The following RGS6 variants were observed in gnomAD, a reference collection of about 807,000 sequenced individuals.
RGS6 encodes the protein regulator of G protein signaling 6.
A neutral mutation model predicts 78.5 loss-of-function variants in RGS6; 30 were observed. That is an observed-to-expected ratio of 0.38 (90% confidence interval 0.29 to 0.52). The LOEUF is 0.52. Among genes scored for constraint, RGS6 ranks in the 20% least tolerant of loss-of-function variants. The pLI, the probability that RGS6 is intolerant of heterozygous loss-of-function variation, is 0.85. For synonymous variants in RGS6, 206 were observed against 206.0 expected (o/e 1.00, Z 0.00); for missense variants, 495 against 609.7 (o/e 0.81, Z 1.98).
At chr14:72,126,464 T>C (rs2153580499) in intron 2 of RGS6, among the ~76,000 whole-genome samples, 1 of 152,366 alleles carries the variant, frequency 6.6e-6, no homozygotes, top group South Asian at 2.1e-4. Context: ...CCAGCATAGA[T>C]GTCTTACACT....
chr14:72,410,016 A>G (rs61012508), intron 3 of RGS6, among the ~76,000 whole-genome samples: 25,171 of 152,140 alleles, frequency 0.17, 2,647 homozygotes, highest in African/African-American at 0.29. Context: ...TAGTGCCGCA[A>G]TAAACATACA....
At chr14:72,351,944 C>G (rs548359743) in intron 2 of RGS6, 151 bp from the exon 3 acceptor site, 2 of 606,924 alleles carry the variant, frequency 3.3e-6, no homozygotes, top group Admixed American at 3.0e-5. Context: ...ATAGCAGATA[C>G]TGATGCTGTA....
chr14:72,611,162 CAG>C, the RGS6 span, among the ~76,000 whole-genome samples: 1 of 152,212 alleles, frequency 6.6e-6, no homozygotes, highest in East Asian at 1.9e-4. Context: ...CACACATGGA[CAG>C]ATACACACCT....
chr14:72,323,087 C>T (rs1437165778), intron 2 of RGS6, among the ~76,000 whole-genome samples: 1 of 151,858 alleles, frequency 6.6e-6, no homozygotes, highest in Non-Finnish European at 1.5e-5. Context: ...TAATTTTAAC[C>T]AGGAGTTAAA....
intron 5 of RGS6, 101 bp from the exon 6 acceptor site, chr14:72,459,531 G>C: frequency 9.4e-7 from 1 of 1,064,570 alleles, no homozygotes; most frequent in Non-Finnish European, 1.4e-6. Flanking sequence ...GCAAGAAGGA[G>C]ATGGGGGAGA....
intron 2 of RGS6, among the ~76,000 whole-genome samples, chr14:72,195,783 G>T (rs1284651938): frequency 6.6e-6 from 1 of 152,208 alleles, no homozygotes; most frequent in African/African-American, 2.4e-5. Flanking sequence ...GCCTCTCCCT[G>T]TGTGCCCACG....
chr14:72,079,181 C>T (rs1019821931), intron 2 of RGS6, among the ~76,000 whole-genome samples: 11 of 150,582 alleles, frequency 7.3e-5, no homozygotes, highest in East Asian at 5.8e-4. Flanking sequence ...TTTTTTTTTT[C>T]CCCCTATTTC....
At chr14:72,540,953 C>G in intron 17 of RGS6, 1 of 1,233,860 alleles carries the variant, frequency 8.1e-7, no homozygotes, top group South Asian at 1.4e-5. Flanking sequence ...CTGAGACTCT[C>G]TACCATGGTT....
At chr14:72,627,615 T>C in the RGS6 span, among the ~76,000 whole-genome samples, 1 of 152,252 alleles carries the variant, frequency 6.6e-6, no homozygotes, top group East Asian at 1.9e-4. Context: ...TTTATCAGTA[T>C]TTTCTTGCCT....
chr14:72,047,312 C>T (rs1434598973), intron 2 of RGS6, among the ~76,000 whole-genome samples: 1 of 152,188 alleles, frequency 6.6e-6, no homozygotes, highest in Non-Finnish European at 1.5e-5. Flanking sequence ...TTAGTGAGTA[C>T]TTACTGTCTG....
intron 1 of RGS6, among the ~76,000 whole-genome samples, chr14:71,963,043 C>G (rs903458358): frequency 3.9e-5 from 6 of 152,172 alleles, no homozygotes; most frequent in African/African-American, 1.4e-4. Context: ...TTATACTCTG[C>G]TCTCATACTC....
At chr14:71,957,913 C>T (rs866332085) in intron 1 of RGS6, among the ~76,000 whole-genome samples, 70 of 152,070 alleles carry the variant, frequency 4.6e-4, no homozygotes, top group Admixed American at 1.6e-3. Context: ...CTACAGGCAA[C>T]GCACCACCAT....
chr14:72,323,936 G>T (rs1421019843), intron 2 of RGS6, among the ~76,000 whole-genome samples: 2 of 149,202 alleles, frequency 1.3e-5, no homozygotes, highest in Admixed American at 6.7e-5. Flanking sequence ...TATATTTATG[G>T]GGTACTTGAG....
intron 2 of RGS6, among the ~76,000 whole-genome samples, chr14:72,075,289 T>A (rs1333027656): frequency 6.6e-6 from 1 of 152,234 alleles, no homozygotes; most frequent in Non-Finnish European, 1.5e-5. Flanking sequence ...TTACTTTGTT[T>A]CCATTGTGAA....
chr14:72,071,392 G>T (rs1197713848), intron 2 of RGS6, among the ~76,000 whole-genome samples: 2 of 152,120 alleles, frequency 1.3e-5, no homozygotes, highest in African/African-American at 2.4e-5. Context: ...GCATTGTCCA[G>T]GATTTTCTCT....
chr14:72,378,921 G>A (rs1259039039), intron 3 of RGS6, among the ~76,000 whole-genome samples: 1 of 151,880 alleles, frequency 6.6e-6, no homozygotes, highest in Non-Finnish European at 1.5e-5. Flanking sequence ...AATGAACATA[G>A]ACACAAAAAT....
At chr14:72,217,901 A>G (rs946695394) in intron 2 of RGS6, among the ~76,000 whole-genome samples, 3 of 152,218 alleles carry the variant, frequency 2.0e-5, no homozygotes, top group Non-Finnish European at 4.4e-5. Flanking sequence ...ATTCACACAC[A>G]TTTACACATA....
chr14:72,227,060 A>G (rs1171390818), intron 2 of RGS6, among the ~76,000 whole-genome samples: 1 of 152,200 alleles, frequency 6.6e-6, no homozygotes, highest in Admixed American at 6.5e-5. Context: ...TCTCCACTAG[A>G]TATACGACAT....
intron 2 of RGS6, among the ~76,000 whole-genome samples, chr14:72,075,764 T>C (rs1463613958): frequency 1.3e-5 from 2 of 152,160 alleles, no homozygotes; most frequent in African/African-American, 4.8e-5. Flanking sequence ...CCTCTGGAGG[T>C]CCAGGATGAA....
Sources: gnomAD v4.1 joint callset for allele counts (sites outside exome capture counted in the v4.1 genomes callset) on GRCh38, gnomAD v4.1.1 for gene constraint, MANE v1.5 for transcripts, NCBI Gene and HGNC (gene_info 2026-07-23, HGNC 2026-07-21) for gene names.